ADGRV1: variants seen among roughly 807,000 people sequenced by gnomAD.
The protein encoded by ADGRV1 is G-protein coupled receptor 98.
ADGRV1 carries 359 observed loss-of-function variants against 596.2 expected under a neutral mutation model. That is an observed-to-expected ratio of 0.60 (90% CI 0.55 to 0.66). The LOEUF is 0.66. ADGRV1 is among the 30% of genes least tolerant of loss of function. The pLI is 0.00. For missense variants in ADGRV1, 7,274 were observed against 7,575.6 expected, an observed-to-expected ratio of 0.96 and a Z score of 1.48; for synonymous variants, 2,681 against 2,679.2, an observed-to-expected ratio of 1.00 and a Z score of -0.02.
rs906569358 is a variant in ADGRV1 at position 90,667,736 on chromosome 5, G to A, written c.4753-4810G>A. Among the ~76,000 whole-genome samples, 189 of 152,166 alleles carry A rather than the reference G, an allele frequency of 1.2e-3. 1 individual carries two copies. The highest frequency in any genetic ancestry group is 1.6e-3 in the Non-Finnish European group (108 of 68,036). Reference sequence around the variant, plus strand: ...TCTGTTCTGTTTTTTCCCCATCTTTGTGGTTTATCTACTGTTGGTCTTTGA... The same window carrying A: ...TCTGTTCTGTTTTTTCCCCATCTTTATGGTTTATCTACTGTTGGTCTTTGA... On this transcript the variant is annotated intron_variant, in intron 21 of 89. Transcript: ENST00000405460.
At chr5:90,926,468 C>A (rs201619657) in intron 83 of ADGRV1, among the ~76,000 whole-genome samples, 20 of 146,304 alleles carry the variant, frequency 1.4e-4, no homozygotes, top group African/African-American at 4.8e-4. Flanking sequence ...TCTGTGGGAT[C>A]GGTGGTGATA....
chr5:90,743,944 C>A (rs985464315), intron 50 of ADGRV1, among the ~76,000 whole-genome samples: 1 of 151,666 alleles, frequency 6.6e-6, no homozygotes, highest in Middle Eastern at 3.4e-3. Context: ...TAAATATGTC[C>A]TTTGGCTATT....
At chr5:90,827,302 G>A (rs1459177463) in intron 76 of ADGRV1, among the ~76,000 whole-genome samples, 1 of 152,118 alleles carries the variant, frequency 6.6e-6, no homozygotes, top group East Asian at 1.9e-4. Context: ...TGATCTGCAA[G>A]TCTTGATTTC....
chr5:91,037,973 G>T (rs557905125), intron 85 of ADGRV1, among the ~76,000 whole-genome samples: 1 of 152,156 alleles, frequency 6.6e-6, no homozygotes, highest in Non-Finnish European at 1.5e-5. Context: ...TATTGTATGT[G>T]TATAAGGTAT....
At position 90,763,338 on chromosome 5, in the gene ADGRV1, C is replaced by T; in HGVS notation, c.12154C>T (p.Pro4052Ser). The T allele has an allele frequency of 6.2e-7, 1 of 1,607,204 alleles. No individual in the cohort carries two copies. Among genetic ancestry groups the T allele is most frequent in the Non-Finnish European group, 8.5e-7 (1 of 1,174,908 alleles). Residue 4052 changes from proline to serine, a missense_variant, in exon 59 of 90, where the codon CCT (proline) becomes TCT (serine). Physicochemically the swap from Pro to Ser is moderately conservative, Grantham distance 74 (BLOSUM62 -1). Coordinates refer to ENST00000405460, the MANE Select transcript of ADGRV1 (RefSeq NM_032119.4). ...TGATGAATCCCTTTCATCCGATGACCCTGATTCATATGTGACATTGACGGT... is the reference window on the plus strand; with the variant it reads ...TGATGAATCCCTTTCATCCGATGACTCTGATTCATATGTGACATTGACGGT... Reference protein sequence around the residue: ...MIDESLSSDDPDSYVTLTVVR... With the variant: ...MIDESLSSDDSDSYVTLTVVR...
At chr5:91,102,412 T>C (rs1582064542) in intron 87 of ADGRV1, 72 bp downstream of exon 87, 1 of 1,369,414 alleles carries the variant, frequency 7.3e-7, no homozygotes, top group East Asian at 2.5e-5. Context: ...ATTTCAATAT[T>C]AAAGAGTCAA....
chr5:90,602,135 A>G (rs1440935435), intron 1 of ADGRV1, among the ~76,000 whole-genome samples: 1 of 152,206 alleles, frequency 6.6e-6, no homozygotes, highest in Non-Finnish European at 1.5e-5. Context: ...CCGTATGTGT[A>G]TCCTATTCAT....
At chr5:90,973,442 A>C (rs1288433767) in intron 84 of ADGRV1, among the ~76,000 whole-genome samples, 1 of 152,204 alleles carries the variant, frequency 6.6e-6, no homozygotes, top group East Asian at 1.9e-4. Flanking sequence ...ACATTGATGC[A>C]AAAATCCTCA....
Position 91,143,611 on chromosome 5 carries a change from A to C in ADGRV1, c.18433-6419A>C, listed in dbSNP as rs577577960. On this transcript the variant is annotated intron_variant, in intron 87 of 89. Coordinates refer to ENST00000405460, the MANE Select transcript of ADGRV1 (RefSeq NM_032119.4). ...TGAATCTGGAGTTTTTATGGGCTTC[A>C]GAGGGAGGAAGTGCATGCTGATTGG... Among the ~76,000 whole-genome samples the C allele has an allele frequency of 3.3e-5, 5 of 152,284 alleles. No individual in the cohort carries two copies. The East Asian group carries it at 9.7e-4, about 30-fold the overall frequency.
intron 65 of ADGRV1, 138 bp downstream of exon 65, chr5:90,781,716 A>G: frequency 1.4e-6 from 1 of 730,350 alleles, no homozygotes; most frequent in Non-Finnish European, 2.1e-6. Flanking sequence ...TTTTATATTT[A>G]TTTACTTATT....
intron 1 of ADGRV1, among the ~76,000 whole-genome samples, chr5:90,574,094 C>T (rs1756896092): frequency 6.6e-6 from 1 of 151,818 alleles, no homozygotes; most frequent in Non-Finnish European, 1.5e-5. Context: ...TGTGATGCCT[C>T]CAGCATTGCT....
chr5:91,085,819 T>C (rs1371193609), intron 86 of ADGRV1, among the ~76,000 whole-genome samples: 2 of 152,186 alleles, frequency 1.3e-5, no homozygotes, highest in East Asian at 1.9e-4. Flanking sequence ...GCCGCTGCTT[T>C]ATCAAATTAC....
chr5:90,609,441 A>G (rs978651448), intron 1 of ADGRV1, among the ~76,000 whole-genome samples: 1 of 152,070 alleles, frequency 6.6e-6, no homozygotes, highest in Admixed American at 6.6e-5. Context: ...CACTTACTCT[A>G]TTTGTAACAT....
chr5:90,613,962 A>C (rs649449), intron 1 of ADGRV1, among the ~76,000 whole-genome samples: 95,405 of 151,780 alleles, frequency 0.63, 31,028 homozygotes, highest in African/African-American at 0.79. Flanking sequence ...GTTCGTGTGA[A>C]TGATCACATA....
chr5:90,589,208 G>A (rs796592220), intron 1 of ADGRV1, among the ~76,000 whole-genome samples: 7 of 152,206 alleles, frequency 4.6e-5, no homozygotes, highest in African/African-American at 1.7e-4. Flanking sequence ...TAATAAAAGA[G>A]GGAAGTCTGA....
chr5:90,863,871 G>A lies in ADGRV1; in HGVS notation c.17856+14G>A. On this transcript the variant is annotated intron_variant, in intron 83 of 89. Coordinates refer to ENST00000405460, the MANE Select transcript of ADGRV1 (RefSeq NM_032119.4). ...TTAGGTACACAGGTAGGAGAGCGCT[G>A]GCATTTTTGATTTATCGTGAGATGT... 6.6e-7 allele frequency: 1 copy of A among 1,525,864 alleles called. No individual in the cohort carries two copies. Among genetic ancestry groups the A allele is most frequent in the Non-Finnish European group, 9.1e-7 (1 of 1,100,848 alleles). The allele number at this position is 1,525,864 out of a possible 1,614,324, so 94.5% of individuals were successfully genotyped here. A position where few individuals can be genotyped will look rare whatever the true frequency, so the allele number is the denominator to read the frequency against.
intron 87 of ADGRV1, 37 bp downstream of exon 87, chr5:91,102,377 T>G (rs375748182): frequency 2.1e-5 from 32 of 1,533,322 alleles, no homozygotes; most frequent in African/African-American, 4.2e-5. Flanking sequence ...AACATACATT[T>G]ATCTTAATGA....
chr5:90,951,503 G>C (rs189088622), intron 83 of ADGRV1, among the ~76,000 whole-genome samples: 55 of 151,898 alleles, frequency 3.6e-4, no homozygotes, highest in African/African-American at 1.2e-3. Context: ...TTTTTTCACT[G>C]TTTACTCCTA....
chr5:90,977,534 CT>C (rs1485853233), intron 84 of ADGRV1, among the ~76,000 whole-genome samples: 1 of 152,072 alleles, frequency 6.6e-6, no homozygotes, highest in African/African-American at 2.4e-5. Flanking sequence ...TTATATTTTA[CT>C]CATATGCTAA....
Sources: gnomAD v4.1 joint callset for allele counts (sites outside exome capture counted in the v4.1 genomes callset) on GRCh38, gnomAD v4.1.1 for gene constraint, MANE v1.5 for transcripts, NCBI Gene and HGNC (gene_info 2026-07-23, HGNC 2026-07-21) for gene names.